The following PPP1R3A variants were observed in gnomAD, a reference collection of about 807,000 sequenced individuals.
PPP1R3A encodes the protein RG1.
PPP1R3A carries 29 observed loss-of-function variants against 41.7 expected under a neutral mutation model. That is an observed-to-expected ratio of 0.70 (90% CI 0.52 to 0.95). PPP1R3A has a LOEUF of 0.95. Among genes scored for constraint, PPP1R3A ranks in the 40% least tolerant of loss-of-function variants. The pLI, the probability that PPP1R3A is intolerant of heterozygous loss-of-function variation, is 0.00. For missense variants in PPP1R3A, 1,352 were observed against 1,292.4 expected, an observed-to-expected ratio of 1.05 and a Z score of -0.71; for synonymous variants, 485 against 453.4, an observed-to-expected ratio of 1.07 and a Z score of -0.89.
At chr7:113,884,043 G>A (rs879414781) in intron 1 of PPP1R3A, among the ~76,000 whole-genome samples, 1 of 151,884 alleles carries the variant, frequency 6.6e-6, no homozygotes, top group East Asian at 1.9e-4. Context: ...AGAAATAAAT[G>A]AAATTTAAAT....
intron 1 of PPP1R3A, among the ~76,000 whole-genome samples, chr7:113,883,104 A>G (rs1350521435): frequency 6.6e-6 from 1 of 151,990 alleles, no homozygotes; most frequent in East Asian, 1.9e-4. Flanking sequence ...TTGTGAAGTC[A>G]TTAGAATTTA....
In PPP1R3A at chr7:113,918,409, A is replaced by G. The variant is rs767549496; in HGVS notation, c.588T>C (p.Pro196=). The change falls in exon 1 of 4, where the codon CCT becomes CCC. Residue 196 remains proline, a synonymous_variant. Transcript: ENST00000284601. The part of the protein sequence containing the change: ...DQFSFKIVLV[P]PYQKDGSKVE... ...CTTTACTGCCATCTTTTTGATAAGGAGGAACCAATACAATCTTAAAGGAGA... is the reference window on the plus strand; with the variant it reads ...CTTTACTGCCATCTTTTTGATAAGGGGGAACCAATACAATCTTAAAGGAGA... 6.2e-7 allele frequency: 1 copy of G among 1,613,464 alleles called. No individual in the cohort carries two copies. The highest frequency in any genetic ancestry group is 1.1e-5 in the South Asian group (1 of 91,072).
At chr7:113,912,402 T>C (rs1797266204) in intron 1 of PPP1R3A, among the ~76,000 whole-genome samples, 1 of 152,088 alleles carries the variant, frequency 6.6e-6, no homozygotes, top group South Asian at 2.1e-4. Context: ...TGTACATACA[T>C]ATATAAGCAT....
At chr7:113,897,991 C>T (rs1258744132) in intron 1 of PPP1R3A, among the ~76,000 whole-genome samples, 1 of 151,670 alleles carries the variant, frequency 6.6e-6, no homozygotes, top group Non-Finnish European at 1.5e-5. Flanking sequence ...CTCTGTCACA[C>T]TTTTAACAAA....
chr7:113,883,824 C>T (rs1206111537), intron 1 of PPP1R3A, among the ~76,000 whole-genome samples: 3 of 151,908 alleles, frequency 2.0e-5, no homozygotes, highest in Non-Finnish European at 4.4e-5. Context: ...CTTATCTAAT[C>T]AAAATGCTAC....
intron 1 of PPP1R3A, among the ~76,000 whole-genome samples, chr7:113,891,581 AG>A (rs1796890048): frequency 1.3e-5 from 2 of 152,072 alleles, no homozygotes; most frequent in South Asian, 4.1e-4. Context: ...TTTATTTAAA[AG>A]TATCCTCTCT....
At chr7:113,906,594 T>C (rs959421396) in intron 1 of PPP1R3A, among the ~76,000 whole-genome samples, 7 of 151,822 alleles carry the variant, frequency 4.6e-5, no homozygotes, top group African/African-American at 1.7e-4. Context: ...ATAGGGAGCA[T>C]CTGATTTTTA....
intron 3 of PPP1R3A, among the ~76,000 whole-genome samples, chr7:113,880,636 C>A (rs1370444301): frequency 6.6e-6 from 1 of 151,762 alleles, no homozygotes; most frequent in Non-Finnish European, 1.5e-5. Flanking sequence ...TTTTAATGAC[C>A]CTCTGCCAAC....
At chr7:113,900,342 A>C (rs1797042438) in intron 1 of PPP1R3A, among the ~76,000 whole-genome samples, 1 of 151,744 alleles carries the variant, frequency 6.6e-6, no homozygotes, top group Non-Finnish European at 1.5e-5. Context: ...CTGCAATATA[A>C]TTGTTTAAAT....
chr7:113,879,666 T>C lies in PPP1R3A; in HGVS notation c.1426A>G (p.Asn476Asp), dbSNP rs548842315. The change falls in exon 4 of 4, where the codon AAT becomes GAT. Residue 476 changes from asparagine to aspartate, a missense_variant. Asn to Asp is a conservative substitution (Grantham distance 23). Transcript: ENST00000284601. The stretch of plus-strand genomic sequence containing the variant: ...CATCCCAAATCTTTTACTTCAATAT[T>C]TTTAGCTCCTCCTTCATGTTTTTTA... ...LNKKHEGGAK[N>D]IEVKDLGCLR... 88 of 1,613,204 alleles carry C rather than the reference T, an allele frequency of 5.5e-5. No individual in the cohort carries two copies. In the African/African-American group the frequency reaches 1.0e-3, roughly 18 times the overall value.
At chr7:113,883,819 C>A (rs1562918686) in intron 1 of PPP1R3A, among the ~76,000 whole-genome samples, 1 of 151,862 alleles carries the variant, frequency 6.6e-6, no homozygotes, top group South Asian at 2.1e-4. Flanking sequence ...TTGTTCTTAT[C>A]TAATCAAAAT....
intron 1 of PPP1R3A, among the ~76,000 whole-genome samples, chr7:113,915,501 A>T (rs965931227): frequency 2.7e-5 from 4 of 150,442 alleles, no homozygotes; most frequent in African/African-American, 9.7e-5. Flanking sequence ...TTACTAATCT[A>T]TTTGCAGGTA....
At position 113,898,930 on chromosome 7, in the gene PPP1R3A, T is replaced by C. The variant is rs756542440; in HGVS notation, c.783-16610A>G. 3.5e-4 allele frequency among the ~76,000 whole-genome samples: 53 copies of C among 151,976 alleles called. 1 individual carries two copies. Among genetic ancestry groups the C allele is most frequent in the Admixed American group, 1.6e-3 (25 of 15,234 alleles). Reference sequence around the variant, plus strand: ...TGTCCTACAATTCAGTATTGTCTTTTTCCAGGGCCTGAAAGCCATTTCATT... The same window carrying C: ...TGTCCTACAATTCAGTATTGTCTTTCTCCAGGGCCTGAAAGCCATTTCATT... On this transcript the variant is annotated intron_variant, in intron 1 of 3. Coordinates refer to ENST00000284601, the MANE Select transcript of PPP1R3A (RefSeq NM_002711.4).
chr7:113,918,095 T>C (rs1584423882), intron 1 of PPP1R3A, 120 bp downstream of exon 1: 1 of 996,242 alleles, frequency 1.0e-6, no homozygotes, highest in African/African-American at 1.6e-5. Flanking sequence ...GGCACCATTG[T>C]TTTTTACATA....
chr7:113,912,300 A>G (rs1189199444), intron 1 of PPP1R3A, among the ~76,000 whole-genome samples: 1 of 152,090 alleles, frequency 6.6e-6, no homozygotes, highest in African/African-American at 2.4e-5. Context: ...CCTCTGTGCA[A>G]CTGACCTCAA....
At position 113,901,490 on chromosome 7, in the gene PPP1R3A, C is replaced by G. The variant is rs554267479; in HGVS notation, c.782+16725G>C. 9.9e-5 allele frequency among the ~76,000 whole-genome samples: 15 copies of G among 151,786 alleles called. No homozygotes were observed. In the South Asian group the frequency reaches 3.1e-3, roughly 32 times the overall value. On this transcript the variant is annotated intron_variant, in intron 1 of 3. Coordinates refer to ENST00000284601, the MANE Select transcript of PPP1R3A (RefSeq NM_002711.4). ...TATTTGCATCAACTTAGGTAAAAAC[C>G]TGGAAGTTTATATTCCAAATTAATT...
Position 113,878,720 on chromosome 7 carries a change from T to G in PPP1R3A, c.2372A>C (p.Asp791Ala). ...DDSHYTLCQR[D>A]TVGVIYDNDF... ...ATTGTCATAGATTACACCTACTGTA[T>G]CTCGTTGACAAAGGGTATAATGTGA... Residue 791 changes from aspartate (D) to alanine (A), a missense_variant, in exon 4 of 4, where the codon GAT becomes GCT. Physicochemically the swap from Asp to Ala is moderately radical, Grantham distance 126 (BLOSUM62 -2). Coordinates refer to ENST00000284601, the MANE Select transcript of PPP1R3A (RefSeq NM_002711.4). 1.9e-6 allele frequency: 3 copies of G among 1,613,366 alleles called. No homozygotes were observed. The highest frequency in any genetic ancestry group is 2.5e-6 in the Non-Finnish European group (3 of 1,179,606).
Position 113,877,946 on chromosome 7 carries a change from G to C in PPP1R3A, c.3146C>G (p.Ser1049Cys), listed in dbSNP as rs1270439809. Residue 1049 changes from serine to cysteine, a missense_variant, in exon 4 of 4, where the codon TCT (serine) becomes TGT (cysteine). Ser to Cys is a moderately radical substitution (Grantham distance 112). Coordinates refer to ENST00000284601, the MANE Select transcript of PPP1R3A (RefSeq NM_002711.4). ...YTSGEKESDSSASTSLPVEES... is the reference protein window; with the variant it reads ...YTSGEKESDSCASTSLPVEES... ...CTCAACAGGAAGACTAGTAGAAGCA[G>C]AGCTGTCAGATTCCTTTTCACCTGA... is the stretch of plus-strand genomic sequence containing the variant. 7.4e-6 allele frequency: 12 copies of C among 1,613,430 alleles called. No homozygotes were observed. In the East Asian group the frequency reaches 2.5e-4, roughly 33 times the overall value.
At chr7:113,912,592 G>T (rs1029362925) in intron 1 of PPP1R3A, among the ~76,000 whole-genome samples, 1 of 152,100 alleles carries the variant, frequency 6.6e-6, no homozygotes, top group African/African-American at 2.4e-5. Flanking sequence ...CTGTTGAGGG[G>T]TAGGGGTAAA....
Sources: allele counts gnomAD v4.1 joint callset (sites outside exome capture counted in the v4.1 genomes callset), GRCh38; gene constraint gnomAD v4.1.1; transcripts MANE v1.5; gene names NCBI Gene and HGNC (gene_info 2026-07-23, HGNC 2026-07-21).